The following RAB1A variants were observed in gnomAD, a reference collection of about 807,000 sequenced individuals.
RAB1A encodes RAB1A, member RAS oncogene family.
Under a neutral mutation model 26.0 loss-of-function variants are expected in RAB1A, and 2 were observed. The ratio of observed to expected loss-of-function variants is 0.08; its 90% confidence interval spans 0.03 to 0.24. The LOEUF (loss-of-function observed/expected upper bound fraction) is 0.24. RAB1A is among the 10% of genes least tolerant of loss of function. The pLI is 1.00. For missense variants in RAB1A, 100 were observed against 247.0 expected (o/e 0.40, Z 3.99); for synonymous variants, 84 against 84.9 (o/e 0.99, Z 0.06).
chr2:65,115,566 T>C (rs1558659), intron 1 of RAB1A, among the ~76,000 whole-genome samples: 124,249 of 151,660 alleles, frequency 0.82, 50,983 homozygotes, highest in African/African-American at 0.83. Flanking sequence ...GCACATATTA[T>C]TCCTATAATT....
intron 3 of RAB1A, among the ~76,000 whole-genome samples, chr2:65,092,559 CAAAG>C (rs1380296210): frequency 6.6e-6 from 1 of 152,182 alleles, no homozygotes; most frequent in Non-Finnish European, 1.5e-5. Flanking sequence ...ACCTCTTTCA[CAAAG>C]ATAGAAGGAA....
At chr2:65,125,681 T>C (rs1246886019) in intron 1 of RAB1A, among the ~76,000 whole-genome samples, 4 of 151,770 alleles carry the variant, frequency 2.6e-5, no homozygotes. Flanking sequence ...CCCAAAGTGC[T>C]GAGATTACAG....
In RAB1A at chr2:65,088,338, AAGTC is replaced by A. The variant is rs946118671; in HGVS notation, c.*151_*154del. Reference sequence around the variant, plus strand: ...GTCTTGAGTCAAGGGAATAAAAAAAAAGTCAGTATTGACCATTTACAATCTCTGA... The same window carrying A: ...GTCTTGAGTCAAGGGAATAAAAAAAAAGTATTGACCATTTACAATCTCTGA... On this transcript the variant is annotated 3_prime_UTR_variant, in exon 6 of 6. Coordinates refer to ENST00000409784, the MANE Select transcript of RAB1A (RefSeq NM_004161.5). 3 of 592,578 alleles carry A rather than the reference AAGTC, an allele frequency of 5.1e-6. No individual in the cohort carries two copies. The highest frequency in any genetic ancestry group is 3.0e-5 in the East Asian group (1 of 33,104). 36.7% of individuals were successfully genotyped at this position (592,578 alleles called of 1,614,324 possible). A position where few individuals can be genotyped will look rare whatever the true frequency, so the allele number is the denominator to read the frequency against.
chr2:65,110,569 G>A (rs977198149), intron 1 of RAB1A, among the ~76,000 whole-genome samples: 1 of 152,072 alleles, frequency 6.6e-6, no homozygotes, highest in African/African-American at 2.4e-5. Context: ...AAATGGGAGG[G>A]AAGAGACAAG....
intron 1 of RAB1A, 151 bp from the exon 2 acceptor site, chr2:65,104,957 C>T: frequency 1.3e-6 from 1 of 759,880 alleles, no homozygotes; most frequent in South Asian, 1.4e-5. Context: ...AAACTGCAAA[C>T]AGCCACAGCC....
At chr2:65,112,301 C>T (rs1441742170) in intron 1 of RAB1A, among the ~76,000 whole-genome samples, 1 of 151,906 alleles carries the variant, frequency 6.6e-6, no homozygotes, top group East Asian at 2.0e-4. Flanking sequence ...GTGTGTGCCA[C>T]CATGCCCAGC....
At chr2:65,127,377 G>A (rs1670123392) in intron 1 of RAB1A, among the ~76,000 whole-genome samples, 1 of 152,078 alleles carries the variant, frequency 6.6e-6, no homozygotes, top group Non-Finnish European at 1.5e-5. Context: ...CTGAAATCTT[G>A]TTGCTCTCAT....
At chr2:65,106,838 A>C (rs1669573615) in intron 1 of RAB1A, among the ~76,000 whole-genome samples, 1 of 151,608 alleles carries the variant, frequency 6.6e-6, no homozygotes, top group Non-Finnish European at 1.5e-5. Flanking sequence ...CTTTACTACT[A>C]TTGATAAGGT....
chr2:65,103,040 A>C (rs1385740353), intron 2 of RAB1A, among the ~76,000 whole-genome samples: 2 of 151,746 alleles, frequency 1.3e-5, no homozygotes, highest in Non-Finnish European at 2.9e-5. Flanking sequence ...CACACTAGCC[A>C]GTATGCAGTA....
intron 1 of RAB1A, among the ~76,000 whole-genome samples, chr2:65,121,545 T>C (rs1395968869): frequency 6.6e-6 from 1 of 152,148 alleles, no homozygotes; most frequent in Non-Finnish European, 1.5e-5. Flanking sequence ...TCTCACATGT[T>C]TCAGTCAGCC....
Position 65,087,264 on chromosome 2 carries a change from A to G in RAB1A, c.*1229T>C, listed in dbSNP as rs565269611. On this transcript the variant is annotated 3_prime_UTR_variant, in exon 6 of 6. Transcript: ENST00000409784. ...TATTTCAGAAAATCTTCATATATGC[A>G]AAATGTCACCAAAATAAATACATTT... 1 of 152,794 alleles carries G rather than the reference A, an allele frequency of 6.5e-6. No individual in the cohort carries two copies. The highest frequency in any genetic ancestry group is 1.9e-4 in the East Asian group (1 of 5,194). The allele number at this position is 152,794 out of a possible 1,614,324, so 9.5% of individuals were successfully genotyped here. A position where few individuals can be genotyped will look rare whatever the true frequency, so the allele number is the denominator to read the frequency against.
intron 1 of RAB1A, among the ~76,000 whole-genome samples, chr2:65,106,081 GTA>G (rs1558581463): frequency 6.6e-6 from 1 of 152,082 alleles, no homozygotes; most frequent in African/African-American, 2.4e-5. Flanking sequence ...CTCTCTTTAT[GTA>G]TCTCTAACAT....
chr2:65,123,263 C>A (rs938257278), intron 1 of RAB1A, among the ~76,000 whole-genome samples: 35 of 150,384 alleles, frequency 2.3e-4, no homozygotes, highest in African/African-American at 8.5e-4. Context: ...CTCTGCCTCC[C>A]GGGTTCAAAT....
chr2:65,098,117 G>T, intron 2 of RAB1A, 51 bp from the exon 3 acceptor site: 1 of 1,076,352 alleles, frequency 9.3e-7, no homozygotes, highest in Non-Finnish European at 1.3e-6. Flanking sequence ...TGGAGCAGAT[G>T]CAAGTCTAAG....
intron 3 of RAB1A, among the ~76,000 whole-genome samples, chr2:65,095,874 C>T (rs1422300895): frequency 6.6e-6 from 1 of 152,076 alleles, no homozygotes; most frequent in Admixed American, 6.6e-5. Flanking sequence ...TATCGGAAGG[C>T]TGGGCACAGT....
chr2:65,129,634 C>G (rs1424148333), intron 1 of RAB1A, among the ~76,000 whole-genome samples: 1 of 152,008 alleles, frequency 6.6e-6, no homozygotes, highest in Non-Finnish European at 1.5e-5. Flanking sequence ...TTCCTCAGCA[C>G]CCGCCCCGCA....
intron 3 of RAB1A, among the ~76,000 whole-genome samples, chr2:65,091,355 C>T (rs556129016): frequency 3.9e-4 from 60 of 152,302 alleles, no homozygotes; most frequent in African/African-American, 1.4e-3. Context: ...ACATTCCCTA[C>T]CGCCTTTAAC....
chr2:65,088,383 T>C lies in RAB1A; in HGVS notation c.*110A>G. The stretch of plus-strand genomic sequence containing the variant: ...CAATCTCTGACCTTTGTGGAGACGG[T>C]AAGAATCTGTTGTAGTGCAGCTACA... On this transcript the variant is annotated 3_prime_UTR_variant, in exon 6 of 6. Transcript: ENST00000409784. 1 of 890,668 alleles carries C rather than the reference T, an allele frequency of 1.1e-6. No homozygotes were observed. Among genetic ancestry groups the C allele is most frequent in the East Asian group, 2.7e-5 (1 of 36,586 alleles). 55.2% of individuals were successfully genotyped at this position (890,668 alleles called of 1,614,324 possible). A position where few individuals can be genotyped will look rare whatever the true frequency, so the allele number is the denominator to read the frequency against.
At chr2:65,110,220 T>G (rs1468418883) in intron 1 of RAB1A, among the ~76,000 whole-genome samples, 1 of 151,904 alleles carries the variant, frequency 6.6e-6, no homozygotes, top group Non-Finnish European at 1.5e-5. Flanking sequence ...GGCGGGCAGA[T>G]CACGAGGTCA....
Sources: gnomAD v4.1 joint callset for allele counts (sites outside exome capture counted in the v4.1 genomes callset) on GRCh38, gnomAD v4.1.1 for gene constraint, MANE v1.5 for transcripts, NCBI Gene and HGNC (gene_info 2026-07-23, HGNC 2026-07-21) for gene names.